Variants in RNF180 observed in about 807,000 individuals in gnomAD.
The protein encoded by RNF180 is E3 ubiquitin-protein ligase RNF180.
A neutral mutation model predicts 59.2 loss-of-function variants in RNF180; 38 were observed. That is an observed-to-expected ratio of 0.64 (90% CI 0.50 to 0.84). RNF180 has a LOEUF of 0.84. Among genes scored for constraint, RNF180 ranks in the 40% least tolerant of loss-of-function variants. RNF180 has a pLI of 0.00. For synonymous variants in RNF180, 262 were observed against 240.3 expected, an observed-to-expected ratio of 1.09 and a Z score of -0.84; for missense variants, 705 against 700.9, an observed-to-expected ratio of 1.01 and a Z score of -0.07.
intron 5 of RNF180, among the ~76,000 whole-genome samples, chr5:64,250,538 G>T (rs77977475): frequency 0.023 from 3,554 of 151,946 alleles, 128 homozygotes; most frequent in African/African-American, 0.075. Context: ...AGCAGAAAAT[G>T]AGAAGACTCA....
At position 64,252,628 on chromosome 5, in the gene RNF180, G is replaced by C. The variant is rs572763460; in HGVS notation, c.1227+35232G>C. Among the ~76,000 whole-genome samples the C allele has an allele frequency of 2.0e-5, 3 of 152,234 alleles. 1 individual carries two copies. The highest frequency in any genetic ancestry group is 2.1e-4 in the South Asian group (1 of 4,828). ...ATAGAAATGCCATCTTTCAGTTCCA[G>C]CTGTTAAGTATACAGATGGATGGGC... On this transcript the variant is annotated intron_variant, in intron 5 of 7. Coordinates refer to ENST00000389100, the MANE Select transcript of RNF180 (RefSeq NM_001113561.2).
At chr5:64,258,440 T>C (rs1451616379) in intron 5 of RNF180, among the ~76,000 whole-genome samples, 12 of 152,132 alleles carry the variant, frequency 7.9e-5, no homozygotes, top group African/African-American at 2.4e-5. Flanking sequence ...TAAAATGATA[T>C]GATGCATTGA....
At position 64,214,122 on chromosome 5, in the gene RNF180, C is replaced by G. The variant is rs749870547; in HGVS notation, c.796C>G (p.Leu266Val). 1 of 1,614,070 alleles carries G rather than the reference C, an allele frequency of 6.2e-7. No homozygotes were observed. Among genetic ancestry groups the G allele is most frequent in the Non-Finnish European group, 8.5e-7 (1 of 1,179,990 alleles). ...ACTAAATGAAACACAGCCTATTGAC[C>G]TTTCAGGCTTGCCTTTACAATCTAG... ...SRLNETQPID[L>V]SGLPLQSSKN... Residue 266 changes from leucine (L) to valine (V), a missense_variant, in exon 4 of 8, where the codon CTT (leucine) becomes GTT (valine). By Grantham distance (32) the Leu-to-Val change is conservative. Coordinates refer to ENST00000389100, the MANE Select transcript of RNF180 (RefSeq NM_001113561.2).
At chr5:64,268,932 C>CT (rs1744845847) in intron 5 of RNF180, among the ~76,000 whole-genome samples, 1 of 152,110 alleles carries the variant, frequency 6.6e-6, no homozygotes, top group Admixed American at 6.5e-5. Context: ...TAAAAATTCT[C>CT]TATCAGGAAA....
intron 5 of RNF180, among the ~76,000 whole-genome samples, chr5:64,290,656 C>G (rs968868243): frequency 6.6e-6 from 1 of 151,812 alleles, no homozygotes. Flanking sequence ...CTTTTTTAAT[C>G]TTTGTTTAAA....
chr5:64,174,959 CTTTTT>C (rs370660214), intron 1 of RNF180, among the ~76,000 whole-genome samples: 2 of 84,752 alleles, frequency 2.4e-5, no homozygotes, highest in African/African-American at 4.9e-5. Context: ...TAATCCAGTT[CTTTTT>C]TTTTTTTTTT....
chr5:64,231,487 A>G (rs1408332948), intron 5 of RNF180, among the ~76,000 whole-genome samples: 1 of 152,234 alleles, frequency 6.6e-6, no homozygotes, highest in Non-Finnish European at 1.5e-5. Context: ...TGCAAATTTA[A>G]TGAAAACTGG....
intron 2 of RNF180, among the ~76,000 whole-genome samples, chr5:64,210,922 C>G (rs1242216379): frequency 6.6e-6 from 1 of 152,118 alleles, no homozygotes; most frequent in Non-Finnish European, 1.5e-5. Flanking sequence ...AAGAGACCCT[C>G]AAATCCTTCA....
chr5:64,193,525 G>T (rs1286028842), intron 1 of RNF180, among the ~76,000 whole-genome samples: 1 of 152,076 alleles, frequency 6.6e-6, no homozygotes, highest in Admixed American at 6.6e-5. Flanking sequence ...TATCTGTTTT[G>T]AGAGGTTCTC....
intron 2 of RNF180, 30 bp downstream of exon 2, chr5:64,200,972 T>G: frequency 1.2e-6 from 2 of 1,603,878 alleles, no homozygotes; most frequent in East Asian, 2.2e-5. Context: ...GTCTTCAGTT[T>G]CCTGGTAGAG....
In RNF180 at chr5:64,367,319, C is replaced by G. The variant is rs1296779980; in HGVS notation, c.1580-2296C>G. On this transcript the variant is annotated intron_variant, in intron 7 of 7. Transcript: ENST00000389100. ...ACAAGAGAAAAAATACACAGGATAC[C>G]ACTATAGAAAACCACCAGACTACAA... 2.6e-5 allele frequency among the ~76,000 whole-genome samples: 4 copies of G among 151,272 alleles called. No homozygotes were observed. The Admixed American group carries it at 2.6e-4, about 10-fold the overall frequency.
At chr5:64,358,214 A>G (rs1480166388) in intron 7 of RNF180, among the ~76,000 whole-genome samples, 5 of 151,740 alleles carry the variant, frequency 3.3e-5, no homozygotes, top group African/African-American at 4.8e-5. Flanking sequence ...TGTCTGGTAT[A>G]TTGCTGGTTA....
chr5:64,192,900 C>CATATATAT (rs1174084249), intron 1 of RNF180, among the ~76,000 whole-genome samples: 3 of 32,852 alleles, frequency 9.1e-5, no homozygotes, highest in Non-Finnish European at 1.8e-4. Flanking sequence ...GAAAGTGTGG[C>CATATATAT]ATGTATATAT....
chr5:64,176,926 A>G (rs1248698869), intron 1 of RNF180, among the ~76,000 whole-genome samples: 1 of 152,226 alleles, frequency 6.6e-6, no homozygotes, highest in African/African-American at 2.4e-5. Flanking sequence ...GCAAGGAATG[A>G]AGAGAATAGA....
At chr5:64,325,160 G>GA (rs1177939680) in intron 5 of RNF180, 26 bp from the exon 6 acceptor site, 1 of 1,464,362 alleles carries the variant, frequency 6.8e-7, no homozygotes, top group South Asian at 1.2e-5. Flanking sequence ...ACTAAATTAA[G>GA]AAAAAAGTTT....
intron 5 of RNF180, among the ~76,000 whole-genome samples, chr5:64,277,735 A>T (rs1482546354): frequency 3.9e-5 from 6 of 152,158 alleles, no homozygotes; most frequent in Non-Finnish European, 5.9e-5. Flanking sequence ...CACAAATGGA[A>T]ATACCAGGGA....
intron 2 of RNF180, among the ~76,000 whole-genome samples, chr5:64,203,153 G>C (rs1390160965): frequency 6.6e-6 from 1 of 152,178 alleles, no homozygotes; most frequent in Non-Finnish European, 1.5e-5. Context: ...GTGATACAGA[G>C]TTGAAAAAAT....
intron 7 of RNF180, among the ~76,000 whole-genome samples, chr5:64,364,600 G>A (rs772525673): frequency 1.3e-5 from 2 of 151,568 alleles, no homozygotes; most frequent in Non-Finnish European, 3.0e-5. Context: ...AGAATGCGTT[G>A]GGAAGGAGTC....
intron 1 of RNF180, among the ~76,000 whole-genome samples, chr5:64,191,556 A>G (rs943036912): frequency 1.3e-5 from 2 of 152,228 alleles, no homozygotes; most frequent in Non-Finnish European, 2.9e-5. Flanking sequence ...TAGAAAATAT[A>G]GACTATTTCA....
Sources: gnomAD v4.1 joint callset for allele counts (sites outside exome capture counted in the v4.1 genomes callset) on GRCh38, gnomAD v4.1.1 for gene constraint, MANE v1.5 for transcripts, NCBI Gene and HGNC (gene_info 2026-07-23, HGNC 2026-07-21) for gene names.